GJC1: variants seen among roughly 807,000 people sequenced by gnomAD.
GJC1 encodes gap junction gamma-1 protein.
In GJC1, 5 loss-of-function variants were observed where a neutral mutation model predicts 29.3. The ratio of observed to expected loss-of-function variants is 0.17; its 90% CI spans 0.09 to 0.36. GJC1 has a LOEUF of 0.36. GJC1 is among the 10% of genes least tolerant of loss of function. GJC1 has a pLI of 1.00. For synonymous variants in GJC1, 177 were observed against 183.3 expected, an observed-to-expected ratio of 0.97 and a Z score of 0.28; for missense variants, 310 against 496.2, an observed-to-expected ratio of 0.62 and a Z score of 3.56.
chr17:44,804,341 G>T lies in GJC1; in HGVS notation c.*286C>A. 2.9e-6 allele frequency: 1 copy of T among 350,770 alleles called. No individual in the cohort carries two copies. Among genetic ancestry groups the T allele is most frequent in the African/African-American group, 2.1e-5 (1 of 47,788 alleles). The allele number at this position is 350,770 out of a possible 1,614,324, so 21.7% of individuals were successfully genotyped here. On this transcript the variant is annotated 3_prime_UTR_variant, in exon 3 of 3. Coordinates refer to ENST00000592524, the MANE Select transcript of GJC1 (RefSeq NM_005497.4). ...CCATAATACTGTACATACAAAAACT[G>T]TTCAACAAGAATGATTTAAATATGT...
chr17:44,819,515 G>A (rs1000654662), intron 1 of GJC1, among the ~76,000 whole-genome samples: 10 of 151,704 alleles, frequency 6.6e-5, no homozygotes, highest in Non-Finnish European at 1.2e-4. Flanking sequence ...AAAATTAGTC[G>A]GGTGTGGTGG....
chr17:44,795,980 G>A (rs949257914), downstream of GJC1, among the ~76,000 whole-genome samples: 5 of 152,234 alleles, frequency 3.3e-5, no homozygotes, highest in Non-Finnish European at 7.3e-5. Context: ...CTTTTCCCCT[G>A]GAGTCCGGCC....
At position 44,805,372 on chromosome 17, in the gene GJC1, T is replaced by A; in HGVS notation, c.446A>T (p.Asp149Val). 4 of 1,614,228 alleles carry A rather than the reference T, an allele frequency of 2.5e-6. No individual in the cohort carries two copies. Among genetic ancestry groups the A allele is most frequent in the Non-Finnish European group, 3.4e-6 (4 of 1,180,044 alleles). The change falls in exon 3 of 3, where the codon GAT (aspartate) becomes GTT (valine). Residue 149 changes from aspartate (D) to valine (V), a missense_variant. Asp to Val is a radical substitution (Grantham distance 152). This residue lies in a region of GJC1 where 82 missense variants were observed against 100.7 expected (regional missense o/e 0.81). Coordinates refer to ENST00000592524, the MANE Select transcript of GJC1 (RefSeq NM_005497.4). The surrounding 1 kb of genome is among the most constrained non-coding windows in gnomAD (Gnocchi z 5.1). The part of the protein sequence containing the change: ...MMYPEMELES[D>V]KENKEQSQPK... ...TTGGCTCTGCTCTTTATTTTCCTTA[T>A]CACTTTCTAACTCCATCTCTGGATA...
chr17:44,806,320 T>C (rs2049912136), intron 2 of GJC1, among the ~76,000 whole-genome samples: 2 of 152,066 alleles, frequency 1.3e-5, no homozygotes, highest in Non-Finnish European at 2.9e-5. Context: ...TATGGATTGC[T>C]TTCATATCTC....
At chr17:44,812,953 CTCTTA>C (rs748941679) in intron 1 of GJC1, 2 of 151,842 alleles carry the variant, frequency 1.3e-5, no homozygotes, top group African/African-American at 2.4e-5. Context: ...GGCCAAACTT[CTCTTA>C]TACTTGTTTA....
Position 44,805,447 on chromosome 17 carries a change from T to A in GJC1, c.371A>T (p.His124Leu). The part of the protein sequence containing the change: ...SKPYAMRWKQ[H>L]RALEETEEDN... ...CTCCTCCGTTTCTTCCAGAGCCCGG[T>A]GTTGTTTCCAGCGCATTGCATAGGG... Residue 124 changes from histidine (H) to leucine (L), a missense_variant, in exon 3 of 3, where the codon CAC becomes CTC. By Grantham distance (99) the His-to-Leu change is moderately conservative. This residue lies in a region of GJC1 where 82 missense variants were observed against 100.7 expected (regional missense o/e 0.81). Transcript: ENST00000592524. This position sits in a 1 kb window ranked among gnomAD's most constrained non-coding sequence, Gnocchi z 5.1. The A allele has an allele frequency of 6.2e-7, 1 of 1,614,158 alleles. No individual in the cohort carries two copies. Among genetic ancestry groups the A allele is most frequent in the Non-Finnish European group, 8.5e-7 (1 of 1,180,024 alleles).
At chr17:44,809,865 C>A (rs2049954810) in intron 1 of GJC1, among the ~76,000 whole-genome samples, 1 of 147,882 alleles carries the variant, frequency 6.8e-6, no homozygotes, top group African/African-American at 2.5e-5. Context: ...CCACGCCCAG[C>A]CTTTTTTTTT....
At chr17:44,811,780 G>C (rs941628583) in intron 1 of GJC1, among the ~76,000 whole-genome samples, 10 of 152,094 alleles carry the variant, frequency 6.6e-5, no homozygotes, top group African/African-American at 2.4e-4. Context: ...GAGACAAGTG[G>C]ATCACCTGAG....
intron 1 of GJC1, among the ~76,000 whole-genome samples, chr17:44,826,711 C>A (rs1035637605): frequency 5.3e-5 from 8 of 152,132 alleles, no homozygotes; most frequent in African/African-American, 1.9e-4. Context: ...CCAGCCAGTA[C>A]TGACTAACAG....
intron 1 of GJC1, among the ~76,000 whole-genome samples, chr17:44,810,286 C>T (rs1003326868): frequency 2.0e-5 from 3 of 152,170 alleles, no homozygotes; most frequent in Non-Finnish European, 4.4e-5. Flanking sequence ...CATGAGCCAT[C>T]GCGCCCGGCC....
At chr17:44,819,652 C>T (rs535687033) in intron 1 of GJC1, among the ~76,000 whole-genome samples, 3 of 146,794 alleles carry the variant, frequency 2.0e-5, no homozygotes, top group Admixed American at 6.8e-5. Context: ...AGCGAGACTC[C>T]GTCTCAAAAA....
chr17:44,818,268 T>C (rs2050066173), intron 1 of GJC1, among the ~76,000 whole-genome samples: 1 of 151,948 alleles, frequency 6.6e-6, no homozygotes, highest in Non-Finnish European at 1.5e-5. Flanking sequence ...GAAAATACAT[T>C]TCAGAGTTTA....
chr17:44,798,785 A>T lies in GJC1; in HGVS notation c.*5842T>A, dbSNP rs2049805605. 1 of 152,190 alleles carries T rather than the reference A, an allele frequency of 6.6e-6. No individual in the cohort carries two copies. The highest frequency in any genetic ancestry group is 1.5e-5 in the Non-Finnish European group (1 of 68,030). The allele number at this position is 152,190 out of a possible 1,614,324, so 9.4% of individuals were successfully genotyped here. On this transcript the variant is annotated 3_prime_UTR_variant, in exon 3 of 3. Transcript: ENST00000592524. ...AGATTTCTGTAAGAGATTTTTTTAA[A>T]ACACAATTGAGAGTATAATACAGAA...
intron 1 of GJC1, among the ~76,000 whole-genome samples, chr17:44,829,184 CA>C (rs1486636529): frequency 6.6e-6 from 1 of 151,640 alleles, no homozygotes; most frequent in East Asian, 1.9e-4. Context: ...AAAAGAAAAC[CA>C]AATTCGCCCA....
downstream of GJC1, among the ~76,000 whole-genome samples, chr17:44,797,319 A>G (rs961291087): frequency 1.3e-5 from 2 of 152,102 alleles, no homozygotes; most frequent in African/African-American, 4.8e-5. Context: ...TGTTAGCCAG[A>G]ATGGACTCAA....
At chr17:44,820,591 C>T (rs567616839) in intron 1 of GJC1, among the ~76,000 whole-genome samples, 2 of 152,240 alleles carry the variant, frequency 1.3e-5, no homozygotes, top group South Asian at 2.1e-4. Context: ...ACTTCCCAAA[C>T]GATCATTTCA....
rs1478718163 is a variant in GJC1 at position 44,799,846 on chromosome 17, G to A, written c.*4781C>T. ...AAGTGGGAGGACTGCTTGAGCCAAG[G>A]AGGTCCAGGCTGTAGTGAGTTGAGA... is the stretch of plus-strand genomic sequence containing the variant. On this transcript the variant is annotated 3_prime_UTR_variant, in exon 3 of 3. Coordinates refer to ENST00000592524, the MANE Select transcript of GJC1 (RefSeq NM_005497.4). The A allele has an allele frequency of 6.6e-6, 1 of 152,210 alleles. No homozygotes were observed. The highest frequency in any genetic ancestry group is 1.5e-5 in the Non-Finnish European group (1 of 68,060). 9.4% of individuals were successfully genotyped at this position (152,210 alleles called of 1,614,324 possible). A position where few individuals can be genotyped will look rare whatever the true frequency, so the allele number is the denominator to read the frequency against.
chr17:44,826,861 T>C (rs549488910), intron 1 of GJC1, among the ~76,000 whole-genome samples: 47 of 152,324 alleles, frequency 3.1e-4, no homozygotes, highest in African/African-American at 1.1e-3. Flanking sequence ...CAACACAAAC[T>C]GAACTCATCA....
chr17:44,823,958 A>C (rs1597759779), intron 1 of GJC1, among the ~76,000 whole-genome samples: 1 of 149,282 alleles, frequency 6.7e-6, no homozygotes, highest in African/African-American at 2.5e-5. Context: ...TGACCTGCCC[A>C]CCTCGGCCTC....
Sources: gnomAD v4.1 joint callset for allele counts (sites outside exome capture counted in the v4.1 genomes callset) on GRCh38, gnomAD v4.1.1 for gene constraint, gnomAD v4.1.1 regional missense constraint, Gnocchi (gnomAD v3.1) non-coding constraint, MANE v1.5 for transcripts, NCBI Gene and HGNC (gene_info 2026-07-23, HGNC 2026-07-21) for gene names.